GLRX3: variants seen among roughly 807,000 people sequenced by gnomAD.
The protein encoded by GLRX3 is glutaredoxin 3.
Under a neutral mutation model 49.5 loss-of-function variants are expected in GLRX3, and 22 were observed. The ratio of observed to expected loss-of-function variants is 0.44; its 90% CI spans 0.32 to 0.63. The LOEUF (loss-of-function observed/expected upper bound fraction) is 0.63. Ranked by LOEUF, GLRX3 falls within the 30% of genes least tolerant of loss-of-function variation. GLRX3 has a pLI of 0.05. For missense variants in GLRX3, 385 were observed against 396.3 expected (o/e 0.97, Z 0.24); for synonymous variants, 133 against 140.0 (o/e 0.95, Z 0.35).
In GLRX3 at chr10:130,166,985, G is replaced by C; in HGVS notation, c.713+5G>C. The C allele has an allele frequency of 6.5e-7, 1 of 1,548,560 alleles. No homozygotes were observed. The highest frequency in any genetic ancestry group is 8.9e-7 in the Non-Finnish European group (1 of 1,129,446). ...AGCTCCCAAATTAGAGGAAAGGTAA[G>C]TGTTTTAGAAGGTTTCAAATAGCCT... On this transcript the variant is annotated splice_donor_5th_base_variant and intron_variant, in intron 6 of 10. Transcript: ENST00000331244.
At chr10:130,148,042 C>A (rs1862300689) in intron 2 of GLRX3, among the ~76,000 whole-genome samples, 1 of 152,134 alleles carries the variant, frequency 6.6e-6, no homozygotes, top group African/African-American at 2.4e-5. Context: ...GAATGTAGTT[C>A]ATTTTAAAAC....
chr10:130,175,197 C>T, intron 10 of GLRX3, 108 bp downstream of exon 10: 1 of 703,906 alleles, frequency 1.4e-6, no homozygotes, highest in Non-Finnish European at 2.6e-6. Context: ...CTCCTGTTTC[C>T]AGCCTGACTC....
At chr10:130,158,640 G>C (rs1460672367) in intron 2 of GLRX3, among the ~76,000 whole-genome samples, 1 of 152,136 alleles carries the variant, frequency 6.6e-6, no homozygotes, top group Non-Finnish European at 1.5e-5. Context: ...GGTAGTGTAG[G>C]CATGCCCTAG....
At chr10:130,177,395 C>T (rs149602780) in intron 10 of GLRX3, among the ~76,000 whole-genome samples, 80 of 152,286 alleles carry the variant, frequency 5.3e-4, no homozygotes, top group Middle Eastern at 6.8e-3. Context: ...CCTGCCGGCT[C>T]GCATTAACAG....
intron 4 of GLRX3, among the ~76,000 whole-genome samples, chr10:130,161,719 A>G (rs1317932585): frequency 6.6e-6 from 1 of 152,226 alleles, no homozygotes; most frequent in Non-Finnish European, 1.5e-5. Flanking sequence ...AGTATGCTGC[A>G]TAATTGAGCA....
intron 1 of GLRX3, among the ~76,000 whole-genome samples, chr10:130,139,142 A>G (rs548815750): frequency 1.3e-5 from 2 of 152,040 alleles, no homozygotes; most frequent in East Asian, 3.9e-4. Context: ...GGCATGAGCC[A>G]CTGCGCCCGG....
chr10:130,157,796 G>A (rs1308027433), intron 2 of GLRX3, among the ~76,000 whole-genome samples: 2 of 152,052 alleles, frequency 1.3e-5, no homozygotes, highest in Non-Finnish European at 2.9e-5. Context: ...TTATGGCACA[G>A]GGTAGGTCGC....
intron 2 of GLRX3, among the ~76,000 whole-genome samples, chr10:130,154,808 A>G (rs1050176831): frequency 6.6e-6 from 1 of 152,214 alleles, no homozygotes; most frequent in Admixed American, 6.5e-5. Context: ...GATACAGAAC[A>G]TTAAGGGTCA....
At chr10:130,152,202 A>G (rs914497144) in intron 2 of GLRX3, among the ~76,000 whole-genome samples, 1 of 152,022 alleles carries the variant, frequency 6.6e-6, no homozygotes, top group Admixed American at 6.5e-5. Context: ...TATTTTTAGT[A>G]GAGACAGGGT....
Position 130,136,429 on chromosome 10 carries a change from G to T in GLRX3, c.9G>T (p.Ala3=). Residue 3 remains alanine, a synonymous_variant, in exon 1 of 11, where the codon GCG becomes GCT. Coordinates refer to ENST00000331244, the MANE Select transcript of GLRX3 (RefSeq NM_006541.5). Reference sequence around the variant, plus strand: ...TGTCTGGCGGCGGCAGCATGGCGGCGGGGGCGGCTGAGGCAGCTGTAGCGG... The same window carrying T: ...TGTCTGGCGGCGGCAGCATGGCGGCTGGGGCGGCTGAGGCAGCTGTAGCGG... MA[A]GAAEAAVAAV... 4 of 1,254,940 alleles carry T rather than the reference G, an allele frequency of 3.2e-6. No homozygotes were observed. The highest frequency in any genetic ancestry group is 3.8e-5 in the South Asian group (1 of 26,434). The allele number at this position is 1,254,940 out of a possible 1,614,324, so 77.7% of individuals were successfully genotyped here.
downstream of GLRX3, chr10:130,180,109 T>TC (rs1862996301): frequency 6.6e-6 from 1 of 151,830 alleles, no homozygotes. Context: ...TTTTTTTTTT[T>TC]CAGACGGGGT....
intron 4 of GLRX3, among the ~76,000 whole-genome samples, chr10:130,161,847 A>G (rs1862582599): frequency 6.6e-6 from 1 of 152,248 alleles, no homozygotes. Context: ...TGATTACAGC[A>G]TGTCCAGAGT....
At position 130,145,192 on chromosome 10, in the gene GLRX3, G is replaced by T; in HGVS notation, c.93-19G>T. ...AAAATTGGTATAATTTTAAATAAAT[G>T]CATTTAATTGATTTACAGGTCCCTC... On this transcript the variant is annotated intron_variant, in intron 1 of 10. Transcript: ENST00000331244. The T allele has an allele frequency of 2.2e-6, 2 of 917,420 alleles. No individual in the cohort carries two copies. The highest frequency in any genetic ancestry group is 3.5e-6 in the Non-Finnish European group (2 of 579,556). 56.8% of individuals were successfully genotyped at this position (917,420 alleles called of 1,614,324 possible).
At chr10:130,147,078 A>T (rs1862284023) in intron 2 of GLRX3, among the ~76,000 whole-genome samples, 1 of 152,232 alleles carries the variant, frequency 6.6e-6, no homozygotes, top group Non-Finnish European at 1.5e-5. Flanking sequence ...AATAGGGCAG[A>T]TGTGAATATA....
At chr10:130,148,357 A>C (rs1304892971) in intron 2 of GLRX3, among the ~76,000 whole-genome samples, 2 of 147,206 alleles carry the variant, frequency 1.4e-5, no homozygotes, top group Admixed American at 1.4e-4. Flanking sequence ...TCTTGAACTC[A>C]TGGGCTCAAG....
chr10:130,154,493 AC>A (rs1474398063), intron 2 of GLRX3, among the ~76,000 whole-genome samples: 6 of 151,956 alleles, frequency 3.9e-5, no homozygotes, highest in Non-Finnish European at 7.4e-5. Context: ...AACTATCAAA[AC>A]TGTTAATTTA....
chr10:130,169,471 T>G lies in GLRX3; in HGVS notation c.752T>G (p.Phe251Cys). 1.2e-6 allele frequency: 2 copies of G among 1,610,612 alleles called. No homozygotes were observed. Among genetic ancestry groups the G allele is most frequent in the Non-Finnish European group, 1.7e-6 (2 of 1,176,764 alleles). The change falls in exon 7 of 11, where the codon TTT (phenylalanine) becomes TGT (cysteine). Residue 251 changes from phenylalanine (F) to cysteine (C), a missense_variant. Physicochemically the swap from Phe to Cys is radical, Grantham distance 205. Coordinates refer to ENST00000331244, the MANE Select transcript of GLRX3 (RefSeq NM_006541.5). ...ACAAATAAAGCTTCTGTGATGCTCT[T>G]TATGAAAGGAAACAAACAGGTAAAG... ...VLTNKASVML[F>C]MKGNKQEAKC...
At chr10:130,163,747 T>C in intron 4 of GLRX3, among the ~76,000 whole-genome samples, 1 of 152,234 alleles carries the variant, frequency 6.6e-6, no homozygotes, top group East Asian at 1.9e-4. Flanking sequence ...CCCTCTGCTG[T>C]TCCTTTCTGA....
In GLRX3 at chr10:130,156,515, C is replaced by T. The variant is rs151331819; in HGVS notation, c.202-3480C>T. The stretch of plus-strand genomic sequence containing the variant: ...TCTTCTGTAAAATGGATGTTAAAGA[C>T]GGTGCCTGTTGTTGTAAGGATTAAG... On this transcript the variant is annotated intron_variant, in intron 2 of 10. Transcript: ENST00000331244. Among the ~76,000 whole-genome samples the T allele has an allele frequency of 1.8e-3, 275 of 152,228 alleles. 5 individuals carry two copies. The East Asian group carries it at 0.036, about 20-fold the overall frequency.
Sources: gnomAD v4.1 joint callset for allele counts (sites outside exome capture counted in the v4.1 genomes callset) on GRCh38, gnomAD v4.1.1 for gene constraint, MANE v1.5 for transcripts, NCBI Gene and HGNC (gene_info 2026-07-23, HGNC 2026-07-21) for gene names.